The following PPP1R12B variants were observed in gnomAD, a reference collection of about 807,000 sequenced individuals.
PPP1R12B encodes protein phosphatase 1 regulatory subunit 12B, also known as myosin phosphatase target subunit 2.
In PPP1R12B, 76 loss-of-function variants were observed where a neutral mutation model predicts 126.1. The observed-to-expected ratio is 0.60, with a 90% CI of 0.50 to 0.73. The LOEUF is 0.73. Among genes scored for constraint, PPP1R12B ranks in the 30% least tolerant of loss-of-function variants. The pLI is 0.00. For synonymous variants in PPP1R12B, 356 were observed against 434.7 expected (o/e 0.82, Z 2.25); for missense variants, 1,052 against 1,205.1 (o/e 0.87, Z 1.88).
chr1:202,551,461 C>A (rs78505388), intron 18 of PPP1R12B, among the ~76,000 whole-genome samples: 1 of 152,052 alleles, frequency 6.6e-6, no homozygotes, highest in African/African-American at 2.4e-5. Context: ...TATGTAATCA[C>A]CTAGTGCAGC....
intron 3 of PPP1R12B, among the ~76,000 whole-genome samples, chr1:202,423,355 T>C (rs1442241837): frequency 6.6e-6 from 1 of 152,162 alleles, no homozygotes; most frequent in East Asian, 1.9e-4. Flanking sequence ...TTTTTTTTTT[T>C]AGTCCTTCTG....
Position 202,540,302 on chromosome 1 carries a change from A to G in PPP1R12B, c.2491-18575A>G, listed in dbSNP as rs1400035871. ...TGTGTCAAAGGTAGAGAATGTGTATATATATAACTTGGGGCATTAGGTTTA... is the reference window on the plus strand; with the variant it reads ...TGTGTCAAAGGTAGAGAATGTGTATGTATATAACTTGGGGCATTAGGTTTA... On this transcript the variant is annotated intron_variant, in intron 18 of 23. Transcript: ENST00000608999. 35 of 1,357,316 alleles carry G rather than the reference A, an allele frequency of 2.6e-5. No homozygotes were observed. In the East Asian group the frequency reaches 8.0e-4, roughly 31 times the overall value. 84.1% of individuals were successfully genotyped at this position (1,357,316 alleles called of 1,614,324 possible).
chr1:202,540,095 G>A (rs1284024124), intron 18 of PPP1R12B: 5 of 1,558,086 alleles, frequency 3.2e-6, no homozygotes, highest in Non-Finnish European at 4.3e-6. Flanking sequence ...CCAGCTTTGT[G>A]TGAAGAATCC....
At chr1:202,482,485 T>C (rs1228637459) in intron 13 of PPP1R12B, among the ~76,000 whole-genome samples, 1 of 152,216 alleles carries the variant, frequency 6.6e-6, no homozygotes, top group East Asian at 1.9e-4. Flanking sequence ...CCCTGATGGT[T>C]TGTGATGTTG....
At chr1:202,431,454 T>G in intron 7 of PPP1R12B, 26 bp from the exon 8 acceptor site, 1 of 1,567,166 alleles carries the variant, frequency 6.4e-7, no homozygotes, top group Non-Finnish European at 8.6e-7. Flanking sequence ...TTCTGAATTA[T>G]ACTCAAGTTG....
intron 13 of PPP1R12B, among the ~76,000 whole-genome samples, chr1:202,482,824 A>C (rs1677573683): frequency 6.6e-6 from 1 of 152,204 alleles, no homozygotes; most frequent in Non-Finnish European, 1.5e-5. Flanking sequence ...GCTTAGCCCC[A>C]TGTCATGAAG....
chr1:202,349,426 T>C (rs961671572), intron 1 of PPP1R12B, among the ~76,000 whole-genome samples: 5 of 152,244 alleles, frequency 3.3e-5, no homozygotes, highest in Non-Finnish European at 5.9e-5. Flanking sequence ...GTCCCTGGTC[T>C]TATCCCTGTA....
intron 18 of PPP1R12B, among the ~76,000 whole-genome samples, chr1:202,521,035 G>A (rs1412818992): frequency 1.3e-5 from 2 of 152,150 alleles, no homozygotes; most frequent in African/African-American, 4.8e-5. Context: ...TATCCCAGCA[G>A]TGTCACAGCC....
chr1:202,465,842 G>A (rs1274443327), intron 13 of PPP1R12B, among the ~76,000 whole-genome samples: 2 of 152,238 alleles, frequency 1.3e-5, no homozygotes, highest in Non-Finnish European at 2.9e-5. Context: ...CAGTCCTTGC[G>A]CACTTGTGCT....
At chr1:202,540,590 C>T (rs537178500) in intron 18 of PPP1R12B, among the ~76,000 whole-genome samples, 8 of 152,326 alleles carry the variant, frequency 5.3e-5, no homozygotes, top group African/African-American at 1.9e-4. Context: ...ATTTTAGTCA[C>T]TGCCTTTCTT....
chr1:202,548,495 G>A (rs1253556930), intron 18 of PPP1R12B, among the ~76,000 whole-genome samples: 1 of 151,944 alleles, frequency 6.6e-6, no homozygotes, highest in Non-Finnish European at 1.5e-5. Flanking sequence ...CTAATAGCTG[G>A]GACTATAGGT....
In PPP1R12B at chr1:202,540,032, T is replaced by G. The variant is rs1684943959; in HGVS notation, c.2491-18845T>G. On this transcript the variant is annotated intron_variant, in intron 18 of 23. Coordinates refer to ENST00000608999, the MANE Select transcript of PPP1R12B (RefSeq NM_002481.4). ...TTATTTAGTTCTATCCAAAGTCATC[T>G]TGCATCAACTCAAAAGGAGAGATTC... The G allele has an allele frequency of 2.2e-6, 3 of 1,395,254 alleles. No homozygotes were observed. The African/African-American group carries it at 4.4e-5, about 20-fold the overall frequency. The allele number at this position is 1,395,254 out of a possible 1,614,324, so 86.4% of individuals were successfully genotyped here.
intron 1 of PPP1R12B, among the ~76,000 whole-genome samples, chr1:202,376,747 TAATATA>T (rs1260975353): frequency 3.3e-5 from 5 of 152,144 alleles, no homozygotes; most frequent in Non-Finnish European, 5.9e-5. Context: ...TTTTTCAATA[TAATATA>T]AATATTAAAT....
At chr1:202,483,924 G>T (rs957314216) in intron 13 of PPP1R12B, among the ~76,000 whole-genome samples, 1 of 152,078 alleles carries the variant, frequency 6.6e-6, no homozygotes, top group African/African-American at 2.4e-5. Flanking sequence ...TATCTGACAT[G>T]GTTACTCCTG....
intron 12 of PPP1R12B, among the ~76,000 whole-genome samples, chr1:202,443,622 A>G (rs1206757511): frequency 2.0e-5 from 3 of 152,236 alleles, no homozygotes; most frequent in Non-Finnish European, 4.4e-5. Flanking sequence ...TTATTACACA[A>G]AAGAGGTGTT....
At chr1:202,462,297 A>T in intron 13 of PPP1R12B, among the ~76,000 whole-genome samples, 1 of 152,266 alleles carries the variant, frequency 6.6e-6, no homozygotes, top group South Asian at 2.1e-4. Flanking sequence ...TGAATAAAAG[A>T]GTCTATTTTC....
intron 1 of PPP1R12B, among the ~76,000 whole-genome samples, chr1:202,411,462 G>C (rs1427458250): frequency 6.6e-6 from 1 of 151,736 alleles, no homozygotes; most frequent in Admixed American, 6.6e-5. Flanking sequence ...GGAATTTTCT[G>C]CAGTTAGACT....
chr1:202,538,289 C>G (rs1684758615), intron 18 of PPP1R12B, among the ~76,000 whole-genome samples: 1 of 152,246 alleles, frequency 6.6e-6, no homozygotes, highest in Non-Finnish European at 1.5e-5. Flanking sequence ...GCCATTGCAC[C>G]TGGCAACAGT....
rs564319227 is a variant in PPP1R12B, at chr1:202,422,147, G to A, written c.423-473G>A. Among the ~76,000 whole-genome samples the A allele has an allele frequency of 7.2e-5, 11 of 152,222 alleles. No homozygotes were observed. The South Asian group carries it at 1.2e-3, about 17-fold the overall frequency. ...ATTTCTTCTTAAGTAATTTAGTTTCGTCTTACAGCACAGGAAGATTTCATG... is the reference window on the plus strand; with the variant it reads ...ATTTCTTCTTAAGTAATTTAGTTTCATCTTACAGCACAGGAAGATTTCATG... On this transcript the variant is annotated intron_variant, in intron 2 of 23. Coordinates refer to ENST00000608999, the MANE Select transcript of PPP1R12B (RefSeq NM_002481.4).
Sources: gnomAD v4.1 joint callset for allele counts (sites outside exome capture counted in the v4.1 genomes callset) on GRCh38, gnomAD v4.1.1 for gene constraint, MANE v1.5 for transcripts, NCBI Gene and HGNC (gene_info 2026-07-23, HGNC 2026-07-21) for gene names.